Variants in CD180 observed in about 807,000 individuals in gnomAD.
CD180 encodes CD180 antigen.
CD180 carries 11 observed loss-of-function variants against 10.7 expected under a neutral mutation model. The observed-to-expected ratio is 1.03, with a 90% CI of 0.65 to 1.70. The LOEUF (loss-of-function observed/expected upper bound fraction) is 1.70. Among genes scored for constraint, CD180 ranks in the 40% most tolerant of loss-of-function variants. The pLI is 0.00. For synonymous variants in CD180, 286 were observed against 294.6 expected (o/e 0.97, Z 0.30); for missense variants, 729 against 775.2 (o/e 0.94, Z 0.71).
intron 1 of CD180, 130 bp downstream of exon 1, chr5:67,196,422 T>C (rs1458590303): frequency 3.9e-6 from 3 of 766,416 alleles, no homozygotes; most frequent in Non-Finnish European, 6.1e-6. Flanking sequence ...ATGAAAAAAT[T>C]ATATATACAC....
At position 67,180,694 on chromosome 5, in the gene CD180, A is replaced by G. The variant is rs2151163933; in HGVS notation, c.*2163T>C. 1 of 152,296 alleles carries G rather than the reference A, an allele frequency of 6.6e-6. No homozygotes were observed. Among genetic ancestry groups the G allele is most frequent in the East Asian group, 1.9e-4 (1 of 5,180 alleles). The allele number at this position is 152,296 out of a possible 1,614,324, so 9.4% of individuals were successfully genotyped here. The stretch of plus-strand genomic sequence containing the variant: ...CTAATAAAGGCTCAGGGATCAGCAC[A>G]TATTAAAAATATATTGAATCTTGGC... On this transcript the variant is annotated 3_prime_UTR_variant, in exon 3 of 3. Transcript: ENST00000256447.
intron 1 of CD180, among the ~76,000 whole-genome samples, chr5:67,186,863 T>A (rs1340043821): frequency 2.7e-5 from 4 of 148,136 alleles, no homozygotes; most frequent in Non-Finnish European, 5.9e-5. Context: ...TGTGTGTGTG[T>A]GTGTGTGTGT....
Position 67,180,504 on chromosome 5 carries a change from A to C in CD180, c.*2353T>G, listed in dbSNP as rs1356842460. ...TCATTTGGCTGGGAACCCTGAGCCA[A>C]CCTCAGTCCAACAGAATCTCAGTAT... On this transcript the variant is annotated 3_prime_UTR_variant, in exon 3 of 3. Coordinates refer to ENST00000256447, the MANE Select transcript of CD180 (RefSeq NM_005582.3). 4 of 152,124 alleles carry C rather than the reference A, an allele frequency of 2.6e-5. No homozygotes were observed. In the East Asian group the frequency reaches 7.7e-4, roughly 29 times the overall value. The allele number at this position is 152,124 out of a possible 1,614,324, so 9.4% of individuals were successfully genotyped here. A position where few individuals can be genotyped will look rare whatever the true frequency, so the allele number is the denominator to read the frequency against.
At chr5:67,189,360 A>AAT (rs1249076815) in intron 1 of CD180, among the ~76,000 whole-genome samples, 7 of 152,320 alleles carry the variant, frequency 4.6e-5, no homozygotes, top group African/African-American at 1.7e-4. Flanking sequence ...GCTCCTTGAA[A>AAT]ATAGAAAGCA....
intron 1 of CD180, among the ~76,000 whole-genome samples, chr5:67,188,099 C>T (rs1742234556): frequency 1.3e-5 from 2 of 151,600 alleles, no homozygotes; most frequent in Non-Finnish European, 2.9e-5. Context: ...GAACCAGGGA[C>T]TCAGAGGTTG....
At chr5:67,186,653 C>T (rs1453229406) in intron 1 of CD180, among the ~76,000 whole-genome samples, 1 of 151,984 alleles carries the variant, frequency 6.6e-6, no homozygotes. Context: ...TAAGCATCAC[C>T]AAAATAAGAC....
At chr5:67,184,646 A>G in intron 2 of CD180, 61 bp from the exon 3 acceptor site, 6 of 1,335,552 alleles carry the variant, frequency 4.5e-6, no homozygotes. Context: ...AATACTTTAC[A>G]GTGACACACA....
intron 1 of CD180, 73 bp downstream of exon 1, chr5:67,196,479 G>C (rs1742405992): frequency 2.8e-6 from 4 of 1,435,730 alleles, no homozygotes; most frequent in African/African-American, 2.8e-5. Flanking sequence ...CCAAGGCTCA[G>C]ATTGGACTGC....
intron 1 of CD180, among the ~76,000 whole-genome samples, chr5:67,191,807 T>C (rs1028965232): frequency 2.0e-5 from 3 of 152,228 alleles, no homozygotes; most frequent in Non-Finnish European, 2.9e-5. Flanking sequence ...CTATGTAGCC[T>C]GTAGGTGTTC....
At chr5:67,186,834 T>C (rs1367078807) in intron 1 of CD180, among the ~76,000 whole-genome samples, 1 of 145,060 alleles carries the variant, frequency 6.9e-6, no homozygotes, top group Non-Finnish European at 1.5e-5. Flanking sequence ...ATGGAACAAC[T>C]GACTTTGTTC....
intron 1 of CD180, among the ~76,000 whole-genome samples, chr5:67,195,455 C>A (rs1033946014): frequency 6.6e-6 from 1 of 152,202 alleles, no homozygotes; most frequent in Admixed American, 6.5e-5. Context: ...AGTCTCAAGG[C>A]ATACACCCAC....
At chr5:67,189,481 T>C (rs1345053009) in intron 1 of CD180, among the ~76,000 whole-genome samples, 2 of 152,176 alleles carry the variant, frequency 1.3e-5, no homozygotes, top group Admixed American at 6.5e-5. Flanking sequence ...TATTGAATCA[T>C]CTCTGGTTAG....
At position 67,196,582 on chromosome 5, in the gene CD180, G is replaced by T; in HGVS notation, c.60C>A (p.Val20=). The T allele has an allele frequency of 6.2e-7, 1 of 1,614,044 alleles. No homozygotes were observed. The highest frequency in any genetic ancestry group is 1.1e-5 in the South Asian group (1 of 91,062). Residue 20 remains valine (V), a synonymous_variant, in exon 1 of 3, where the codon GTC becomes GTA. Transcript: ENST00000256447. ...TGCACATCTGATCCCAGGAGGTGATGACTTTACAGCCGGCAGAAAACAGCA... is the reference window on the plus strand; with the variant it reads ...TGCACATCTGATCCCAGGAGGTGATTACTTTACAGCCGGCAGAAAACAGCA... ...WVVLFSAGCK[V]ITSWDQMCIE... is the part of the protein sequence containing the mutation.
chr5:67,187,717 G>A (rs1199387578), intron 1 of CD180, among the ~76,000 whole-genome samples: 1 of 152,134 alleles, frequency 6.6e-6, no homozygotes, highest in Admixed American at 6.5e-5. Context: ...AGTCTCCTTG[G>A]AAAGATATGA....
In CD180 at chr5:67,182,894, A is replaced by C; in HGVS notation, c.1949T>G (p.Val650Gly). ...LLLAILLFFA[V>G]KYLLRWKYQH... ...GTATTTCCACCTGAGAAGGTATTTA[A>C]CTGCAAAAAATAGCAGAATAGCCAA... The change falls in exon 3 of 3, where the codon GTT becomes GGT. Residue 650 changes from valine (V) to glycine (G), a missense_variant. Val to Gly is a moderately radical substitution (Grantham distance 109). Transcript: ENST00000256447. 6.2e-7 allele frequency: 1 copy of C among 1,612,440 alleles called. No individual in the cohort carries two copies. Among genetic ancestry groups the C allele is most frequent in the Non-Finnish European group, 8.5e-7 (1 of 1,179,146 alleles).
At position 67,181,342 on chromosome 5, in the gene CD180, G is replaced by A. The variant is rs1011868630; in HGVS notation, c.*1515C>T. ...AAGATGAAGGAAGGAGCCATTTGGA[G>A]GCCAATGGCAGCATCTTAGAGGCAA... On this transcript the variant is annotated 3_prime_UTR_variant, in exon 3 of 3. Transcript: ENST00000256447. 7.2e-5 allele frequency: 11 copies of A among 152,226 alleles called. No individual in the cohort carries two copies. Among genetic ancestry groups the A allele is most frequent in the African/African-American group, 2.4e-4 (10 of 41,454 alleles). The allele number at this position is 152,226 out of a possible 1,614,324, so 9.4% of individuals were successfully genotyped here.
chr5:67,196,408 A>G, intron 1 of CD180, 144 bp downstream of exon 1: 1 of 696,774 alleles, frequency 1.4e-6, no homozygotes, highest in Non-Finnish European at 2.3e-6. Flanking sequence ...CCTTTCTCAC[A>G]ATAATGAAAA....
intron 1 of CD180, among the ~76,000 whole-genome samples, chr5:67,190,576 T>G (rs899150824): frequency 3.9e-5 from 6 of 152,268 alleles, no homozygotes; most frequent in African/African-American, 1.2e-4. Flanking sequence ...GACTTCTTGA[T>G]GTGAACTCAC....
In CD180 at chr5:67,180,943, G is replaced by A. The variant is rs563699834; in HGVS notation, c.*1914C>T. The stretch of plus-strand genomic sequence containing the variant: ...GAACCTGGGAGGCGGAGGTTACAGT[G>A]AGCCAAGATTGCACTATAGCACTCC... On this transcript the variant is annotated 3_prime_UTR_variant, in exon 3 of 3. Coordinates refer to ENST00000256447, the MANE Select transcript of CD180 (RefSeq NM_005582.3). 1 of 152,082 alleles carries A rather than the reference G, an allele frequency of 6.6e-6. No individual in the cohort carries two copies. The highest frequency in any genetic ancestry group is 1.9e-4 in the East Asian group (1 of 5,174). 9.4% of individuals were successfully genotyped at this position (152,082 alleles called of 1,614,324 possible).
Sources: allele counts gnomAD v4.1 joint callset (sites outside exome capture counted in the v4.1 genomes callset), GRCh38; gene constraint gnomAD v4.1.1; transcripts MANE v1.5; gene names NCBI Gene and HGNC (gene_info 2026-07-23, HGNC 2026-07-21).